The following KLF13 variants were observed in gnomAD, a reference collection of about 807,000 sequenced individuals.
The protein encoded by KLF13 is KLF transcription factor 13, also known as Krueppel-like factor 13.
KLF13 carries 8 observed loss-of-function variants against 16.7 expected under a neutral mutation model. The observed-to-expected ratio is 0.48, with a 90% CI of 0.28 to 0.87. The LOEUF is 0.87. KLF13 is among the 40% of genes least tolerant of loss of function. The pLI, the probability that KLF13 is intolerant of heterozygous loss-of-function variation, is 0.10. For synonymous variants in KLF13, 245 were observed against 208.4 expected, an observed-to-expected ratio of 1.18 and a Z score of -1.51; for missense variants, 447 against 452.2, an observed-to-expected ratio of 0.99 and a Z score of 0.10.
At chr15:31,340,627 C>T (rs1035030356) in intron 1 of KLF13, among the ~76,000 whole-genome samples, 3 of 152,222 alleles carry the variant, frequency 2.0e-5, no homozygotes, top group African/African-American at 2.4e-5. Context: ...GGCATGGTAG[C>T]TCATGCCTGT....
At chr15:31,423,980 T>C (rs1021289859) in intron 1 of KLF13, among the ~76,000 whole-genome samples, 7 of 152,128 alleles carry the variant, frequency 4.6e-5, no homozygotes, top group African/African-American at 1.7e-4. Context: ...ACAAATTTGA[T>C]AGCCTAGAAG....
At chr15:31,394,185 G>T (rs2039919409) in intron 2 of KLF13, among the ~76,000 whole-genome samples, 1 of 152,134 alleles carries the variant, frequency 6.6e-6, no homozygotes. Flanking sequence ...AAGAATGTAG[G>T]GAGTATTTTG....
chr15:31,385,539 T>C (rs1191142684), intron 1 of KLF13, among the ~76,000 whole-genome samples: 1 of 152,268 alleles, frequency 6.6e-6, no homozygotes, highest in South Asian at 2.1e-4. Flanking sequence ...TTGGTATTTC[T>C]CAAAATATTT....
Position 31,372,434 on chromosome 15 carries a change from T to A in KLF13, c.*135T>A. 9.8e-7 allele frequency: 1 copy of A among 1,020,824 alleles called. No individual in the cohort carries two copies. Among genetic ancestry groups the A allele is most frequent in the Non-Finnish European group, 1.3e-6 (1 of 761,182 alleles). 63.2% of individuals were successfully genotyped at this position (1,020,824 alleles called of 1,614,324 possible). A position where few individuals can be genotyped will look rare whatever the true frequency, so the allele number is the denominator to read the frequency against. On this transcript the variant is annotated 3_prime_UTR_variant, in exon 2 of 2. Transcript: ENST00000307145. ...ATTTTTTTCACCTCAGGTGTCAAAG[T>A]AAATTTGTTAAAAAAACAAAAAAAA...
chr15:31,406,387 G>A (rs2140997856), downstream of KLF13, among the ~76,000 whole-genome samples: 1 of 152,220 alleles, frequency 6.6e-6, no homozygotes, highest in East Asian at 1.9e-4. Flanking sequence ...TGAGGCAGGA[G>A]AATCGCTTGA....
intron 2 of KLF13, among the ~76,000 whole-genome samples, chr15:31,397,880 G>GGGGGGGGGGT (rs1555380284): frequency 6.8e-6 from 1 of 146,354 alleles, no homozygotes; most frequent in African/African-American, 2.7e-5. Flanking sequence ...GCGGCGGGGG[G>GGGGGGGGGGT]GGTGGTGATC....
intron 1 of KLF13, among the ~76,000 whole-genome samples, chr15:31,356,793 G>A (rs990388819): frequency 1.3e-5 from 2 of 152,190 alleles, no homozygotes; most frequent in Non-Finnish European, 1.5e-5. Context: ...TGCACCTCCC[G>A]GTCTCTTTGC....
intron 1 of KLF13, among the ~76,000 whole-genome samples, chr15:31,365,646 G>A (rs1016218151): frequency 6.6e-6 from 1 of 152,144 alleles, no homozygotes; most frequent in African/African-American, 2.4e-5. Context: ...GGGGGTTGGG[G>A]GGGAGTTTGG....
intron 1 of KLF13, among the ~76,000 whole-genome samples, chr15:31,348,157 C>G (rs2039156328): frequency 6.6e-6 from 1 of 152,208 alleles, no homozygotes; most frequent in Non-Finnish European, 1.5e-5. Flanking sequence ...GGACGCCACT[C>G]CTCCTCCCGT....
chr15:31,363,834 T>G (rs2039423659), intron 1 of KLF13, among the ~76,000 whole-genome samples: 1 of 152,260 alleles, frequency 6.6e-6, no homozygotes, highest in Non-Finnish European at 1.5e-5. Context: ...TAGAAGGAAC[T>G]TCTGTCTTAC....
upstream of KLF13, among the ~76,000 whole-genome samples, chr15:31,390,549 C>T (rs1177854608): frequency 6.6e-6 from 1 of 152,208 alleles, no homozygotes. Context: ...AATCTGTCAA[C>T]CAATCTTACT....
intron 1 of KLF13, among the ~76,000 whole-genome samples, chr15:31,343,419 C>T (rs1010503571): frequency 3.3e-5 from 5 of 152,250 alleles, no homozygotes; most frequent in South Asian, 4.1e-4. Context: ...TAAGTCTGCA[C>T]ACCTCCCACC....
intron 1 of KLF13, among the ~76,000 whole-genome samples, chr15:31,329,944 A>G (rs1239126451): frequency 3.8e-4 from 58 of 151,962 alleles, no homozygotes; most frequent in Admixed American, 3.8e-3. Flanking sequence ...TGCAGTTGGG[A>G]GTGCATGTTA....
At chr15:31,351,490 G>A (rs549230481) in intron 1 of KLF13, among the ~76,000 whole-genome samples, 141 of 152,178 alleles carry the variant, frequency 9.3e-4, no homozygotes, top group African/African-American at 3.3e-3. Flanking sequence ...TGCCCCGTGT[G>A]CGCTTGTCTT....
chr15:31,370,619 A>G (rs1385427803), intron 1 of KLF13, among the ~76,000 whole-genome samples: 5 of 151,892 alleles, frequency 3.3e-5, no homozygotes, highest in African/African-American at 4.8e-5. Flanking sequence ...GGGTTTCACC[A>G]TGTTGGCCAG....
intron 1 of KLF13, among the ~76,000 whole-genome samples, chr15:31,346,101 C>A (rs1025871615): frequency 1.4e-4 from 21 of 152,122 alleles, no homozygotes; most frequent in African/African-American, 4.8e-4. Context: ...AGGCATATCT[C>A]TCAGGAGCCC....
At chr15:31,328,603 C>A (rs1414020834) in intron 1 of KLF13, among the ~76,000 whole-genome samples, 1 of 151,406 alleles carries the variant, frequency 6.6e-6, no homozygotes, top group African/African-American at 2.4e-5. Flanking sequence ...TGGGCCGGTG[C>A]GGGGCGGGCG....
intron 1 of KLF13, among the ~76,000 whole-genome samples, chr15:31,332,607 T>A (rs1324852514): frequency 6.6e-6 from 1 of 152,218 alleles, no homozygotes; most frequent in East Asian, 1.9e-4. Context: ...GGGCTTCACA[T>A]GTCTGGAACA....
intron 1 of KLF13, among the ~76,000 whole-genome samples, chr15:31,355,203 C>G (rs936616510): frequency 1.3e-4 from 20 of 152,178 alleles, no homozygotes; most frequent in Admixed American, 1.3e-3. Context: ...GAGGAAGAGG[C>G]CAGGTGCTCA....
Sources: gnomAD v4.1 joint callset for allele counts (sites outside exome capture counted in the v4.1 genomes callset) on GRCh38, gnomAD v4.1.1 for gene constraint, MANE v1.5 for transcripts, NCBI Gene and HGNC (gene_info 2026-07-23, HGNC 2026-07-21) for gene names.